The following HEMK2 variants were observed in gnomAD, a reference collection of about 807,000 sequenced individuals.
The protein encoded by HEMK2 is methyltransferase HEMK2.
chr21:28,841,177 A>ATTATATATTATATATTATATAT, the HEMK2 span, among the ~76,000 whole-genome samples: 4 of 21,972 alleles, frequency 1.8e-4, no homozygotes, highest in African/African-American at 6.5e-4. Context: ...TATAATATAT[A>ATTATATATTATATATTATATAT]AATATATATT....
the HEMK2 span, chr21:28,873,766 A>C: frequency 2.6e-5 from 4 of 152,208 alleles, no homozygotes; most frequent in African/African-American, 7.2e-5. Flanking sequence ...GAGGCATAAG[A>C]AGCCCCAAAT....
chr21:28,796,297 G>A, the HEMK2 span, among the ~76,000 whole-genome samples: 12 of 151,884 alleles, frequency 7.9e-5, no homozygotes, highest in Middle Eastern at 3.4e-3. Flanking sequence ...CTGCCACTAC[G>A]TCCGGCTAAT....
the HEMK2 span, among the ~76,000 whole-genome samples, chr21:28,686,319 C>T: frequency 6.6e-6 from 1 of 152,164 alleles, no homozygotes; most frequent in Non-Finnish European, 1.5e-5. Flanking sequence ...ACCACAACCT[C>T]TGCCTCCCAG....
chr21:28,788,277 T>C, the HEMK2 span, among the ~76,000 whole-genome samples: 22 of 132,206 alleles, frequency 1.7e-4, no homozygotes, highest in Admixed American at 8.8e-4. Flanking sequence ...TTCCATCATA[T>C]ATACACACAC....
At chr21:28,753,757 T>C in the HEMK2 span, among the ~76,000 whole-genome samples, 3 of 152,222 alleles carry the variant, frequency 2.0e-5, no homozygotes, top group African/African-American at 7.2e-5. Flanking sequence ...TTCTGCTTAG[T>C]TTTATGAAAT....
At chr21:28,749,566 A>C in the HEMK2 span, among the ~76,000 whole-genome samples, 5 of 152,188 alleles carry the variant, frequency 3.3e-5, no homozygotes, top group Admixed American at 1.3e-4. Context: ...CACTTTTTTA[A>C]ATGTGCAAGA....
the HEMK2 span, among the ~76,000 whole-genome samples, chr21:28,715,465 T>A: frequency 6.6e-6 from 1 of 152,242 alleles, no homozygotes; most frequent in African/African-American, 2.4e-5. Context: ...TCTGTTTATG[T>A]CCTTTGCCCA....
the HEMK2 span, among the ~76,000 whole-genome samples, chr21:28,683,896 T>A: frequency 1.3e-5 from 2 of 152,200 alleles, no homozygotes; most frequent in African/African-American, 4.8e-5. Context: ...TATTCTGAAG[T>A]CTGGCATCAT....
At chr21:28,714,387 C>T in the HEMK2 span, among the ~76,000 whole-genome samples, 1 of 152,086 alleles carries the variant, frequency 6.6e-6, no homozygotes, top group African/African-American at 2.4e-5. Flanking sequence ...ATTAATTTTG[C>T]TCAAAATATC....
the HEMK2 span, among the ~76,000 whole-genome samples, chr21:28,767,264 C>G: frequency 2.0e-5 from 3 of 151,916 alleles, no homozygotes; most frequent in African/African-American, 7.3e-5. Flanking sequence ...AAACCTCTTT[C>G]TTTTGTATAT....
At chr21:28,780,000 C>G in the HEMK2 span, among the ~76,000 whole-genome samples, 1 of 152,114 alleles carries the variant, frequency 6.6e-6, no homozygotes, top group African/African-American at 2.4e-5. Flanking sequence ...ATCTGTGTCA[C>G]TTTAAACAAA....
chr21:28,788,538 G>A, the HEMK2 span, among the ~76,000 whole-genome samples: 1 of 152,002 alleles, frequency 6.6e-6, no homozygotes, highest in Non-Finnish European at 1.5e-5. Context: ...AAATCGGAGA[G>A]GGGCAAGGGA....
chr21:28,750,369 G>C, the HEMK2 span, among the ~76,000 whole-genome samples: 1 of 152,074 alleles, frequency 6.6e-6, no homozygotes, highest in Non-Finnish European at 1.5e-5. Flanking sequence ...AATAACCATA[G>C]ATGTCAACTA....
chr21:28,720,550 T>TGG, the HEMK2 span, among the ~76,000 whole-genome samples: 13 of 152,076 alleles, frequency 8.5e-5, no homozygotes, highest in Non-Finnish European at 1.0e-4. Flanking sequence ...TTGGCCAACA[T>TGG]AGCAAAACCC....
At chr21:28,824,367 CAT>C in the HEMK2 span, among the ~76,000 whole-genome samples, 19 of 152,286 alleles carry the variant, frequency 1.2e-4, no homozygotes, top group African/African-American at 3.4e-4. Flanking sequence ...GATTTCCTCT[CAT>C]ATCTTGCAAA....
At chr21:28,620,128 C>A in the HEMK2 span, among the ~76,000 whole-genome samples, 15 of 152,162 alleles carry the variant, frequency 9.9e-5, no homozygotes, top group East Asian at 1.9e-3. Flanking sequence ...CAACTTGATC[C>A]TGGTGGATAA....
At chr21:28,612,454 T>C in the HEMK2 span, among the ~76,000 whole-genome samples, 2 of 152,138 alleles carry the variant, frequency 1.3e-5, no homozygotes, top group Admixed American at 6.5e-5. Flanking sequence ...ACACCATCTA[T>C]GACAAACCCA....
the HEMK2 span, among the ~76,000 whole-genome samples, chr21:28,670,581 T>C: frequency 6.6e-6 from 1 of 152,356 alleles, no homozygotes; most frequent in Middle Eastern, 3.4e-3. Flanking sequence ...ATCTTTCTAC[T>C]AAGCTAGTGA....
chr21:28,773,077 C>T, the HEMK2 span, among the ~76,000 whole-genome samples: 1 of 152,168 alleles, frequency 6.6e-6, no homozygotes, highest in Admixed American at 6.5e-5. Context: ...AGACCCAAGC[C>T]TCAATCTCTT....
Sources: allele counts gnomAD v4.1 joint callset (sites outside exome capture counted in the v4.1 genomes callset), GRCh38; gene constraint gnomAD v4.1.1; transcripts MANE v1.5; gene names NCBI Gene and HGNC (gene_info 2026-07-23, HGNC 2026-07-21).